The following CARMIL1 variants were observed in gnomAD, a reference collection of about 807,000 sequenced individuals.
CARMIL1 encodes F-actin-uncapping protein LRRC16A.
In CARMIL1, 90 loss-of-function variants were observed where a neutral mutation model predicts 177.1. The ratio of observed to expected loss-of-function variants is 0.51; its 90% confidence interval spans 0.43 to 0.61. The LOEUF (loss-of-function observed/expected upper bound fraction) is 0.61, where lower values mean the gene tolerates loss of function less well. Among genes scored for constraint, CARMIL1 ranks in the 20% least tolerant of loss-of-function variants. The probability of loss-of-function intolerance (pLI) is 0.00; values close to 1 mark genes in which losing one functional copy is unlikely to be tolerated. For missense variants in CARMIL1, 1,380 were observed against 1,667.0 expected (o/e 0.83, Z 3.00); for synonymous variants, 577 against 606.2 (o/e 0.95, Z 0.71).
intron 36 of CARMIL1, among the ~76,000 whole-genome samples, chr6:25,614,592 A>C (rs906666456): frequency 3.3e-5 from 5 of 152,204 alleles, no homozygotes; most frequent in African/African-American, 4.8e-5. Flanking sequence ...TTTGTTAAGC[A>C]TACCTAAGGT....
chr6:25,290,460 C>T lies in CARMIL1; in HGVS notation c.138+5551C>T, dbSNP rs1032387143. Among the ~76,000 whole-genome samples, 4 of 149,506 alleles carry T rather than the reference C, an allele frequency of 2.7e-5. No individual in the cohort carries two copies. The Admixed American group carries it at 2.7e-4, about 10-fold the overall frequency. ...AGCCCTGATGACCTCTTGTTTCCCA[C>T]AGTTCTGCTGTTGCCTGTTTGGGGG... On this transcript the variant is annotated intron_variant, in intron 2 of 36. Coordinates refer to ENST00000329474, the MANE Select transcript of CARMIL1 (RefSeq NM_017640.6).
At chr6:25,437,187 G>A (rs1797307770) in intron 5 of CARMIL1, among the ~76,000 whole-genome samples, 1 of 152,062 alleles carries the variant, frequency 6.6e-6, no homozygotes, top group Non-Finnish European at 1.5e-5. Context: ...TAATGTGCTC[G>A]CTTTCCTTCT....
At chr6:25,354,540 G>C (rs1439492239) in intron 2 of CARMIL1, among the ~76,000 whole-genome samples, 1 of 151,906 alleles carries the variant, frequency 6.6e-6, no homozygotes, top group Admixed American at 6.6e-5. Context: ...CATGTTTTCA[G>C]CTTCTTCTGC....
At chr6:25,413,104 C>G (rs1795062914) in intron 2 of CARMIL1, among the ~76,000 whole-genome samples, 1 of 152,072 alleles carries the variant, frequency 6.6e-6, no homozygotes. Flanking sequence ...ACTTATAACT[C>G]TGCAGTGGTG....
chr6:25,619,691 T>G lies in CARMIL1; in HGVS notation c.*108T>G. 1 of 1,182,270 alleles carries G rather than the reference T, an allele frequency of 8.5e-7. No homozygotes were observed. 73.2% of individuals were successfully genotyped at this position (1,182,270 alleles called of 1,614,324 possible). On this transcript the variant is annotated 3_prime_UTR_variant, in exon 37 of 37. Transcript: ENST00000329474. ...AGGCGTTCTTCTCTGGGTGCTTTAT[T>G]CTCTTCTTTTTCTTTATTTCGCCCC...
chr6:25,392,313 G>A (rs933268939), intron 2 of CARMIL1, among the ~76,000 whole-genome samples: 1 of 152,122 alleles, frequency 6.6e-6, no homozygotes, highest in Non-Finnish European at 1.5e-5. Context: ...TTATAAAAGA[G>A]TTCACTTCTT....
intron 29 of CARMIL1, among the ~76,000 whole-genome samples, chr6:25,567,178 A>G (rs1811631567): frequency 6.6e-6 from 1 of 152,218 alleles, no homozygotes; most frequent in South Asian, 2.1e-4. Context: ...TGCAGAATTC[A>G]TGGTCTTCAG....
At chr6:25,513,113 T>G (rs1337191357) in intron 20 of CARMIL1, among the ~76,000 whole-genome samples, 1 of 152,174 alleles carries the variant, frequency 6.6e-6, no homozygotes, top group African/African-American at 2.4e-5. Context: ...AATTGATGCT[T>G]GACAGCTCGG....
intron 2 of CARMIL1, among the ~76,000 whole-genome samples, chr6:25,371,377 G>T (rs909661839): frequency 6.6e-6 from 1 of 152,158 alleles, no homozygotes; most frequent in Non-Finnish European, 1.5e-5. Flanking sequence ...CACCAGCAGT[G>T]TATAAGTAAG....
At chr6:25,543,580 AG>A (rs1304717345) in intron 26 of CARMIL1, among the ~76,000 whole-genome samples, 1 of 152,132 alleles carries the variant, frequency 6.6e-6, no homozygotes, top group East Asian at 1.9e-4. Flanking sequence ...CTGGACTTAA[AG>A]TCTAGGGTAT....
rs902439159 is a variant in CARMIL1 at position 25,502,015 on chromosome 6, C to G, written c.1395+1780C>G. ...TGTAAAAAAAAAAAAAAAAAAAACC[C>G]AAACAATAGAACTCTAAAAAACTAA... On this transcript the variant is annotated intron_variant, in intron 17 of 36. Coordinates refer to ENST00000329474, the MANE Select transcript of CARMIL1 (RefSeq NM_017640.6). Among the ~76,000 whole-genome samples, 14 of 127,674 alleles carry G rather than the reference C, an allele frequency of 1.1e-4. No individual in the cohort carries two copies. In the East Asian group the frequency reaches 3.1e-3, roughly 29 times the overall value. The allele number at this position is 127,674 out of a possible 152,430, so 83.8% of individuals were successfully genotyped here.
chr6:25,471,288 TG>T, intron 10 of CARMIL1, 31 bp downstream of exon 10: 1 of 1,519,368 alleles, frequency 6.6e-7, no homozygotes, highest in South Asian at 1.2e-5. Context: ...ATAAATATGT[TG>T]CTTTAAAACT....
intron 5 of CARMIL1, among the ~76,000 whole-genome samples, chr6:25,448,473 C>T (rs766832258): frequency 2.0e-5 from 3 of 152,182 alleles, no homozygotes; most frequent in Non-Finnish European, 4.4e-5. Context: ...CCCTAGCTCA[C>T]ACCTCCTCTC....
At chr6:25,375,785 A>G (rs907626400) in intron 2 of CARMIL1, among the ~76,000 whole-genome samples, 1 of 152,084 alleles carries the variant, frequency 6.6e-6, no homozygotes, top group African/African-American at 2.4e-5. Context: ...AAAACTTTCT[A>G]CTATATTTTG....
intron 26 of CARMIL1, among the ~76,000 whole-genome samples, chr6:25,548,917 C>T (rs1809787283): frequency 6.6e-6 from 1 of 152,142 alleles, no homozygotes; most frequent in African/African-American, 2.4e-5. Flanking sequence ...TCTATCTTCA[C>T]CTACAGAGTT....
chr6:25,328,770 G>C (rs1191715215), intron 2 of CARMIL1, among the ~76,000 whole-genome samples: 1 of 151,956 alleles, frequency 6.6e-6, no homozygotes, highest in East Asian at 1.9e-4. Context: ...TAATTAAATT[G>C]AGATATGAGG....
chr6:25,479,213 A>G (rs1160850829), intron 11 of CARMIL1: 1 of 519,044 alleles, frequency 1.9e-6, no homozygotes, highest in East Asian at 5.4e-5. Flanking sequence ...CTTGGAAAAG[A>G]TAACTACTAT....
chr6:25,568,404 C>T (rs1156775150), intron 29 of CARMIL1, among the ~76,000 whole-genome samples: 1 of 152,196 alleles, frequency 6.6e-6, no homozygotes, highest in Non-Finnish European at 1.5e-5. Flanking sequence ...CCTAGGACCA[C>T]ATGGTGCTCT....
chr6:25,349,214 C>G (rs145378729), intron 2 of CARMIL1, among the ~76,000 whole-genome samples: 301 of 152,322 alleles, frequency 2.0e-3, no homozygotes, highest in African/African-American at 7.0e-3. Context: ...CGCATTCTCT[C>G]AATCAGACTG....
Sources: allele counts gnomAD v4.1 joint callset (sites outside exome capture counted in the v4.1 genomes callset), GRCh38; gene constraint gnomAD v4.1.1; transcripts MANE v1.5; gene names NCBI Gene and HGNC (gene_info 2026-07-23, HGNC 2026-07-21).